Variants in MID1 observed in about 807,000 individuals in gnomAD.
MID1 encodes midline 1.
Under a neutral mutation model 40.4 loss-of-function variants are expected in MID1, and 7 were observed. The ratio of observed to expected loss-of-function variants is 0.17; its 90% confidence interval spans 0.10 to 0.33. The LOEUF is 0.33. Ranked by LOEUF, MID1 falls within the 10% of genes least tolerant of loss-of-function variation. The pLI, the probability that MID1 is intolerant of heterozygous loss-of-function variation, is 1.00. For synonymous variants in MID1, 229 were observed against 221.2 expected (o/e 1.04, Z -0.31); for missense variants, 367 against 558.5 (o/e 0.66, Z 3.46).
At chrX:10,628,529 A>G (rs1936018740) in intron 1 of MID1, among the ~76,000 whole-genome samples, 1 of 111,949 alleles carries the variant, frequency 8.9e-6, no homozygotes, top group Non-Finnish European at 1.9e-5. Context: ...TTTAAGTTGT[A>G]CCACAGTGCC....
At chrX:10,451,842 G>T (rs977506023) in intron 9 of MID1, among the ~76,000 whole-genome samples, 3 of 111,643 alleles carry the variant, frequency 2.7e-5, no homozygotes, top group Non-Finnish European at 5.6e-5. Flanking sequence ...AAGTAAGTAA[G>T]TCCATTATAA....
chrX:10,712,759 T>C lies in MID1; in HGVS notation c.-186-92340A>G, dbSNP rs114536446. On this transcript the variant is annotated intron_variant, in intron 1 of 10. Transcript: ENST00000380785. Reference sequence around the variant, plus strand: ...GGGAAATTGTTAGAAATACAGATTCTGGAGCCCCACTCCAGACATACAGAA... The same window carrying C: ...GGGAAATTGTTAGAAATACAGATTCCGGAGCCCCACTCCAGACATACAGAA... Among the ~76,000 whole-genome samples the C allele has an allele frequency of 6.1e-3, 688 of 112,164 alleles. 5 individuals carry two copies. Among genetic ancestry groups the C allele is most frequent in the African/African-American group, 0.02 (614 of 30,922 alleles).
intron 3 of MID1, chrX:10,501,449 G>T: frequency 8.7e-7 from 1 of 1,154,887 alleles, no homozygotes; most frequent in East Asian, 3.2e-5. Flanking sequence ...GTCTTGAAAT[G>T]CATCTTCTCC....
At chrX:10,774,570 T>G (rs772016903) in intron 1 of MID1, among the ~76,000 whole-genome samples, 1 of 110,967 alleles carries the variant, frequency 9.0e-6, no homozygotes, top group East Asian at 2.8e-4. Flanking sequence ...TACACAGAGG[T>G]GCTGCAGTAT....
At chrX:10,779,361 C>A (rs776558905) in intron 1 of MID1, among the ~76,000 whole-genome samples, 12 of 111,026 alleles carry the variant, frequency 1.1e-4, no homozygotes, top group Non-Finnish European at 1.3e-4. Context: ...TTTGTAGAGA[C>A]GAGGTCTCCC....
intron 1 of MID1, among the ~76,000 whole-genome samples, chrX:10,736,911 A>G (rs2043491672): frequency 8.9e-6 from 1 of 112,143 alleles, no homozygotes; most frequent in Non-Finnish European, 1.9e-5. Flanking sequence ...AGATATTTAT[A>G]TACAACCATA....
At chrX:10,735,236 G>A (rs1471679687) in intron 1 of MID1, among the ~76,000 whole-genome samples, 4 of 111,969 alleles carry the variant, frequency 3.6e-5, no homozygotes, top group Non-Finnish European at 7.5e-5. Flanking sequence ...CTGAGTAGTT[G>A]GGATTATAGG....
chrX:10,696,976 T>C (rs2043166939), intron 1 of MID1, among the ~76,000 whole-genome samples: 1 of 112,256 alleles, frequency 8.9e-6, no homozygotes, highest in Admixed American at 9.4e-5. Flanking sequence ...TCATTATTAG[T>C]GCAATTCCAA....
At chrX:10,543,843 T>C in intron 2 of MID1, among the ~76,000 whole-genome samples, 1 of 107,678 alleles carries the variant, frequency 9.3e-6, no homozygotes, top group East Asian at 2.9e-4. Flanking sequence ...ACTCTGTTTT[T>C]TTAAAAAAAA....
At chrX:10,668,517 T>C (rs936687497) in intron 1 of MID1, among the ~76,000 whole-genome samples, 2 of 112,442 alleles carry the variant, frequency 1.8e-5, no homozygotes, top group Non-Finnish European at 3.8e-5. Flanking sequence ...TGATTTCCTT[T>C]TACTTAGAAG....
intron 2 of MID1, among the ~76,000 whole-genome samples, chrX:10,543,232 C>T (rs979475974): frequency 8.9e-6 from 1 of 112,282 alleles, no homozygotes; most frequent in African/African-American, 3.2e-5. Flanking sequence ...GATTCCAAAA[C>T]ACTTGGTCAT....
At chrX:10,596,740 A>G (rs1040262371) in intron 1 of MID1, among the ~76,000 whole-genome samples, 1 of 112,154 alleles carries the variant, frequency 8.9e-6, no homozygotes, top group African/African-American at 3.2e-5. Context: ...TTAAGGACTC[A>G]CCACAGTTAA....
At chrX:10,581,498 A>G (rs185998053) in intron 1 of MID1, among the ~76,000 whole-genome samples, 1 of 111,511 alleles carries the variant, frequency 9.0e-6, no homozygotes, top group Non-Finnish European at 1.9e-5. Context: ...AATGCCTGAC[A>G]AAATTCTCAC....
At chrX:10,515,066 G>A (rs943067594) in intron 3 of MID1, among the ~76,000 whole-genome samples, 2 of 112,029 alleles carry the variant, frequency 1.8e-5, no homozygotes, top group African/African-American at 6.5e-5. Flanking sequence ...CAAATAGCTC[G>A]TTTGGTGTTT....
At chrX:10,799,312 C>A (rs2043989686) in intron 1 of MID1, among the ~76,000 whole-genome samples, 1 of 111,474 alleles carries the variant, frequency 9.0e-6, no homozygotes, top group Non-Finnish European at 1.9e-5. Context: ...ACATAATGGT[C>A]CTCAAAAATT....
At chrX:10,532,595 A>G (rs1267738564) in intron 2 of MID1, among the ~76,000 whole-genome samples, 1 of 111,929 alleles carries the variant, frequency 8.9e-6, no homozygotes, top group African/African-American at 3.2e-5. Flanking sequence ...TAAGAATTAC[A>G]TGGTGAGGAG....
intron 1 of MID1, among the ~76,000 whole-genome samples, chrX:10,631,264 G>T (rs920238027): frequency 9.1e-6 from 1 of 109,504 alleles, no homozygotes; most frequent in Non-Finnish European, 1.9e-5. Context: ...GAGAATTGAG[G>T]TGATTTGTTT....
chrX:10,628,600 A>G (rs935301695), intron 1 of MID1, among the ~76,000 whole-genome samples: 4 of 111,930 alleles, frequency 3.6e-5, no homozygotes, highest in African/African-American at 9.7e-5. Context: ...TGTTATGGTC[A>G]TCTTTAGAAA....
At chrX:10,608,979 A>G (rs1723606376) in intron 1 of MID1, among the ~76,000 whole-genome samples, 1 of 112,201 alleles carries the variant, frequency 8.9e-6, no homozygotes, top group African/African-American at 3.2e-5. Flanking sequence ...GATGAAGGAA[A>G]AATATGCTTT....
Sources: gnomAD v4.1 joint callset for allele counts (sites outside exome capture counted in the v4.1 genomes callset) on GRCh38, gnomAD v4.1.1 for gene constraint, MANE v1.5 for transcripts, NCBI Gene and HGNC (gene_info 2026-07-23, HGNC 2026-07-21) for gene names.